Variants in PDE1C observed in about 807,000 individuals in gnomAD.
The protein encoded by PDE1C is dual specificity calcium/calmodulin-dependent 3',5'-cyclic nucleotide phosphodiesterase 1C.
A neutral mutation model predicts 93.1 loss-of-function variants in PDE1C; 62 were observed. The ratio of observed to expected loss-of-function variants is 0.67; its 90% CI spans 0.54 to 0.82. The LOEUF (loss-of-function observed/expected upper bound fraction) is 0.82, where lower values mean the gene tolerates loss of function less well. PDE1C is among the 40% of genes least tolerant of loss of function. The probability of loss-of-function intolerance (pLI) is 0.00; values close to 1 mark genes in which losing one functional copy is unlikely to be tolerated. For missense variants in PDE1C, 742 were observed against 884.6 expected, an observed-to-expected ratio of 0.84 and a Z score of 2.04; for synonymous variants, 325 against 310.1, an observed-to-expected ratio of 1.05 and a Z score of -0.50.
chr7:32,054,599 A>T (rs1191870657), intron 1 of PDE1C, among the ~76,000 whole-genome samples: 1 of 152,194 alleles, frequency 6.6e-6, no homozygotes, highest in Non-Finnish European at 1.5e-5. Context: ...TCACCCATAC[A>T]CATCAAAAGA....
At chr7:32,316,823 G>A (rs529055005) in intron 1 of PDE1C, among the ~76,000 whole-genome samples, 1 of 152,206 alleles carries the variant, frequency 6.6e-6, no homozygotes, top group Non-Finnish European at 1.5e-5. Context: ...TTACCAAAAG[G>A]TACTTTTTTC....
chr7:32,181,069 A>T (rs1312847379), intron 2 of PDE1C, among the ~76,000 whole-genome samples: 1 of 152,234 alleles, frequency 6.6e-6, no homozygotes, highest in African/African-American at 2.4e-5. Flanking sequence ...TAGGTCTTAA[A>T]GGGAAAGTCT....
At chr7:32,137,258 A>C (rs1037929146) in intron 3 of PDE1C, among the ~76,000 whole-genome samples, 1 of 152,190 alleles carries the variant, frequency 6.6e-6, no homozygotes, top group African/African-American at 2.4e-5. Flanking sequence ...GCAATCTAAA[A>C]ATAGACCAAG....
chr7:31,632,702 C>T, the PDE1C span, among the ~76,000 whole-genome samples: 9 of 152,102 alleles, frequency 5.9e-5, no homozygotes, highest in Non-Finnish European at 1.0e-4. Context: ...CAGTCCTCCT[C>T]GTTTCCATGT....
chr7:31,884,506 C>G (rs1337923708), intron 2 of PDE1C, among the ~76,000 whole-genome samples: 1 of 152,120 alleles, frequency 6.6e-6, no homozygotes, highest in Non-Finnish European at 1.5e-5. Flanking sequence ...TGTATATACC[C>G]ATCTCCTGTT....
intron 2 of PDE1C, among the ~76,000 whole-genome samples, chr7:31,992,619 G>C (rs184875654): frequency 1.7e-3 from 259 of 152,326 alleles, no homozygotes; most frequent in African/African-American, 6.1e-3. Context: ...CAACAAATAA[G>C]TACAGCAACC....
the PDE1C span, among the ~76,000 whole-genome samples, chr7:31,722,763 C>T: frequency 2.6e-5 from 4 of 152,130 alleles, no homozygotes; most frequent in Admixed American, 6.5e-5. Flanking sequence ...AGTAAGCCAG[C>T]ATGATTGGAG....
downstream of PDE1C, among the ~76,000 whole-genome samples, chr7:31,746,539 G>A (rs958106206): frequency 2.0e-5 from 3 of 152,180 alleles, no homozygotes; most frequent in Non-Finnish European, 4.4e-5. Flanking sequence ...ATGGGCCTGT[G>A]GAAATATCAC....
intron 1 of PDE1C, among the ~76,000 whole-genome samples, chr7:32,290,929 T>C (rs566746152): frequency 6.6e-6 from 1 of 152,298 alleles, no homozygotes; most frequent in South Asian, 2.1e-4. Context: ...GGTGATTTGA[T>C]CAAGCAGGAC....
At chr7:31,834,221 G>A (rs1477049805) in intron 11 of PDE1C, among the ~76,000 whole-genome samples, 1 of 152,230 alleles carries the variant, frequency 6.6e-6, no homozygotes, top group East Asian at 1.9e-4. Context: ...TGCAGGGGCA[G>A]GGCCTTCATG....
chr7:32,291,907 A>G (rs534180795), intron 1 of PDE1C, among the ~76,000 whole-genome samples: 1 of 152,328 alleles, frequency 6.6e-6, no homozygotes, highest in South Asian at 2.1e-4. Context: ...CTTACCCGGG[A>G]TCAAAGAGCA....
chr7:31,714,411 C>A, the PDE1C span, among the ~76,000 whole-genome samples: 1 of 152,138 alleles, frequency 6.6e-6, no homozygotes, highest in African/African-American at 2.4e-5. Context: ...CTAGGAAGTT[C>A]CAAACTTTCC....
intron 1 of PDE1C, among the ~76,000 whole-genome samples, chr7:32,311,841 G>C (rs966747044): frequency 2.0e-5 from 3 of 152,154 alleles, no homozygotes; most frequent in African/African-American, 7.2e-5. Flanking sequence ...TTTAAAACTG[G>C]CACAAGACAG....
chr7:32,269,725 G>A (rs979825942), intron 1 of PDE1C, among the ~76,000 whole-genome samples: 31 of 151,646 alleles, frequency 2.0e-4, no homozygotes, highest in African/African-American at 7.0e-4. Flanking sequence ...TGATCTGTCC[G>A]CCTCGGCCTC....
intron 1 of PDE1C, among the ~76,000 whole-genome samples, chr7:32,054,194 T>C (rs1793748660): frequency 6.6e-6 from 1 of 152,176 alleles, no homozygotes; most frequent in Admixed American, 6.5e-5. Flanking sequence ...TCCCACAGCA[T>C]GCTGAAACCT....
upstream of PDE1C, among the ~76,000 whole-genome samples, chr7:32,301,176 T>C (rs975979847): frequency 1.3e-5 from 2 of 152,006 alleles, no homozygotes; most frequent in East Asian, 3.9e-4. Context: ...CCACCAAAGG[T>C]TTCTTATAGT....
At chr7:32,385,767 C>T (rs1366222844) in intron 1 of PDE1C, among the ~76,000 whole-genome samples, 1 of 152,112 alleles carries the variant, frequency 6.6e-6, no homozygotes, top group Non-Finnish European at 1.5e-5. Flanking sequence ...AAGACTTAAA[C>T]CCCAGGGAGT....
chr7:32,411,596 T>C (rs1334036918), intron 1 of PDE1C, among the ~76,000 whole-genome samples: 2 of 152,178 alleles, frequency 1.3e-5, no homozygotes, highest in Admixed American at 1.3e-4. Flanking sequence ...AGTGAGTGAA[T>C]GGGGAGTGAA....
At chr7:31,746,789 T>A (rs1794016082), downstream of PDE1C, among the ~76,000 whole-genome samples, 1 of 152,064 alleles carries the variant, frequency 6.6e-6, no homozygotes, top group Non-Finnish European at 1.5e-5. Context: ...TTTTCCCACA[T>A]GGACTATGCT....
Sources: gnomAD v4.1 joint callset for allele counts (sites outside exome capture counted in the v4.1 genomes callset) on GRCh38, gnomAD v4.1.1 for gene constraint, MANE v1.5 for transcripts, NCBI Gene and HGNC (gene_info 2026-07-23, HGNC 2026-07-21) for gene names.